Variants in CSTPP1 observed in about 807,000 individuals in gnomAD.
CSTPP1 encodes the protein UPF0705 protein C11orf49.
the CSTPP1 span, among the ~76,000 whole-genome samples, chr11:46,977,917 A>ACTCTTT: frequency 6.6e-6 from 1 of 152,232 alleles, no homozygotes; most frequent in Non-Finnish European, 1.5e-5. Flanking sequence ...GGCAACAGAA[A>ACTCTTT]GAGTAGTTGA....
the CSTPP1 span, among the ~76,000 whole-genome samples, chr11:47,014,402 A>C: frequency 1.3e-5 from 2 of 151,672 alleles, no homozygotes; most frequent in South Asian, 4.2e-4. Flanking sequence ...AAAAGAGAGA[A>C]AGGAAAGAAA....
chr11:46,953,155 C>CAT, the CSTPP1 span, among the ~76,000 whole-genome samples: 1 of 151,974 alleles, frequency 6.6e-6, no homozygotes, highest in African/African-American at 2.4e-5. Flanking sequence ...TTGTTAGTGG[C>CAT]ATTAAGGGAG....
At chr11:47,053,919 A>G in the CSTPP1 span, among the ~76,000 whole-genome samples, 1 of 151,864 alleles carries the variant, frequency 6.6e-6, no homozygotes, top group Non-Finnish European at 1.5e-5. Context: ...ACTCTAGCCT[A>G]GGTGACAGCG....
chr11:46,974,889 CACACACACACACACAA>C, the CSTPP1 span, among the ~76,000 whole-genome samples: 1 of 150,390 alleles, frequency 6.6e-6, no homozygotes, highest in Non-Finnish European at 1.5e-5. Flanking sequence ...CACACACACA[CACACACACACACACAA>C]TACTCCAATT....
chr11:46,988,259 C>T, the CSTPP1 span, among the ~76,000 whole-genome samples: 1 of 152,144 alleles, frequency 6.6e-6, no homozygotes, highest in Admixed American at 6.6e-5. Context: ...AATATCAGTA[C>T]TCCTATGTTT....
the CSTPP1 span, among the ~76,000 whole-genome samples, chr11:46,975,771 C>T: frequency 1.5e-4 from 23 of 152,066 alleles, no homozygotes; most frequent in Non-Finnish European, 4.4e-5. Context: ...TGGAGATAAA[C>T]AATATGATCT....
At chr11:47,070,273 A>G in the CSTPP1 span, among the ~76,000 whole-genome samples, 3 of 152,078 alleles carry the variant, frequency 2.0e-5, no homozygotes, top group African/African-American at 7.2e-5. Context: ...AGGGGGAGAG[A>G]GAGAGAGAGA....
At chr11:46,999,606 A>G in the CSTPP1 span, among the ~76,000 whole-genome samples, 1 of 152,238 alleles carries the variant, frequency 6.6e-6, no homozygotes, top group African/African-American at 2.4e-5. Flanking sequence ...TTAGCTGGTG[A>G]CCTCAGTTTA....
the CSTPP1 span, chr11:47,157,186 T>A: frequency 6.2e-7 from 1 of 1,603,816 alleles, no homozygotes; most frequent in South Asian, 1.1e-5. Context: ...TCTACCAGTG[T>A]CTGGAAAACC....
chr11:46,965,294 C>T, the CSTPP1 span, among the ~76,000 whole-genome samples: 4 of 143,978 alleles, frequency 2.8e-5, no homozygotes, highest in African/African-American at 7.9e-5. Flanking sequence ...GGTGCAATCT[C>T]GGGTAACTCT....
the CSTPP1 span, among the ~76,000 whole-genome samples, chr11:46,998,386 T>C: frequency 3.3e-5 from 5 of 152,240 alleles, no homozygotes; most frequent in South Asian, 4.1e-4. Context: ...TAAGATTTTC[T>C]ACAGTGCTGA....
chr11:47,153,772 G>T, the CSTPP1 span, among the ~76,000 whole-genome samples: 2 of 152,268 alleles, frequency 1.3e-5, no homozygotes, highest in Non-Finnish European at 2.9e-5. Flanking sequence ...TCTTCAGGAA[G>T]ATCGCAGCAA....
At chr11:46,976,759 G>A in the CSTPP1 span, among the ~76,000 whole-genome samples, 1 of 151,994 alleles carries the variant, frequency 6.6e-6, no homozygotes, top group Non-Finnish European at 1.5e-5. Context: ...TTAGTTCCAG[G>A]GCTCTCTGAG....
At chr11:47,125,836 G>A in the CSTPP1 span, among the ~76,000 whole-genome samples, 2 of 151,982 alleles carry the variant, frequency 1.3e-5, no homozygotes, top group African/African-American at 2.4e-5. Flanking sequence ...GGCTAAGATG[G>A]CAAAACCCCG....
the CSTPP1 span, among the ~76,000 whole-genome samples, chr11:47,120,911 A>C: frequency 1.3e-5 from 2 of 152,244 alleles, no homozygotes. This position sits in a 1 kb window ranked among gnomAD's most constrained non-coding sequence, Gnocchi z 4.2. Context: ...AGAGTTTTAC[A>C]GTTTTACAGC....
chr11:47,155,588 T>G, the CSTPP1 span: 1 of 379,472 alleles, frequency 2.6e-6, no homozygotes, highest in Non-Finnish European at 4.9e-6. Context: ...AAACTTACTA[T>G]GTCCCAGGCA....
the CSTPP1 span, among the ~76,000 whole-genome samples, chr11:47,070,804 T>G: frequency 6.6e-6 from 1 of 152,136 alleles, no homozygotes; most frequent in Admixed American, 6.6e-5. Flanking sequence ...ACCTCAATGG[T>G]TCTGTATTGC....
chr11:47,021,763 A>G, the CSTPP1 span, among the ~76,000 whole-genome samples: 1 of 152,220 alleles, frequency 6.6e-6, no homozygotes, highest in African/African-American at 2.4e-5. Context: ...CTCTCAAGAA[A>G]GATAAAGTGA....
chr11:47,042,404 T>C, the CSTPP1 span, among the ~76,000 whole-genome samples: 1 of 150,964 alleles, frequency 6.6e-6, no homozygotes, highest in Non-Finnish European at 1.5e-5. Context: ...TATAACTTAC[T>C]CTTAAATAGT....
Sources: gnomAD v4.1 joint callset for allele counts (sites outside exome capture counted in the v4.1 genomes callset) on GRCh38, gnomAD v4.1.1 for gene constraint, Gnocchi (gnomAD v3.1) non-coding constraint, MANE v1.5 for transcripts, NCBI Gene and HGNC (gene_info 2026-07-23, HGNC 2026-07-21) for gene names.